Variants in CYTIP observed in about 807,000 individuals in gnomAD.
The protein encoded by CYTIP is cytohesin 1 interacting protein, also known as cytohesin-interacting protein.
Under a neutral mutation model 43.8 loss-of-function variants are expected in CYTIP, and 26 were observed. That is an observed-to-expected ratio of 0.59 (90% CI 0.44 to 0.82). CYTIP has a LOEUF of 0.82. Among genes scored for constraint, CYTIP ranks in the 40% least tolerant of loss-of-function variants. The pLI is 0.00. For missense variants in CYTIP, 426 were observed against 443.1 expected (o/e 0.96, Z 0.35); for synonymous variants, 162 against 162.9 (o/e 0.99, Z 0.04).
intron 1 of CYTIP, among the ~76,000 whole-genome samples, chr2:157,437,954 G>T (rs1685839648): frequency 6.6e-6 from 1 of 152,078 alleles, no homozygotes; most frequent in South Asian, 2.1e-4. Context: ...CCACTATGGA[G>T]AACAGTATGG....
chr2:157,420,700 C>T (rs937948656), intron 6 of CYTIP, among the ~76,000 whole-genome samples: 1 of 148,256 alleles, frequency 6.7e-6, no homozygotes, highest in African/African-American at 2.5e-5. Context: ...TGCCTTATTC[C>T]CAGCTTTTAA....
At chr2:157,439,593 CA>C (rs1375953833) in intron 1 of CYTIP, among the ~76,000 whole-genome samples, 1 of 152,120 alleles carries the variant, frequency 6.6e-6, no homozygotes, top group African/African-American at 2.4e-5. Flanking sequence ...GTGATGGCGC[CA>C]AAAATCATGA....
rs1685899343 is a variant in CYTIP at position 157,441,038 on chromosome 2, G to GA, written c.174+2808dup. ...GGTAGTGAGATAATATGCACACAGA[G>GA]AAATCTATCTTTAAATAATTCTGAA... On this transcript the variant is annotated intron_variant, in intron 1 of 7. Coordinates refer to ENST00000264192, the MANE Select transcript of CYTIP (RefSeq NM_004288.5). Among the ~76,000 whole-genome samples, 8 of 152,110 alleles carry GA rather than the reference G, an allele frequency of 5.3e-5. No homozygotes were observed. The South Asian group carries it at 1.7e-3, about 32-fold the overall frequency.
At chr2:157,425,765 A>T (rs1181477344) in intron 6 of CYTIP, among the ~76,000 whole-genome samples, 3 of 152,178 alleles carry the variant, frequency 2.0e-5, no homozygotes, top group Non-Finnish European at 4.4e-5. Context: ...CACTAAGATT[A>T]TCTTTCTTTT....
At chr2:157,422,904 G>A (rs1685544934) in intron 6 of CYTIP, among the ~76,000 whole-genome samples, 1 of 151,960 alleles carries the variant, frequency 6.6e-6, no homozygotes, top group African/African-American at 2.4e-5. Context: ...GAACATTTCT[G>A]GAGATGTTAC....
intron 6 of CYTIP, among the ~76,000 whole-genome samples, chr2:157,423,022 A>G (rs1355010203): frequency 1.3e-5 from 2 of 152,146 alleles, no homozygotes; most frequent in East Asian, 3.8e-4. Flanking sequence ...CATGAATTCC[A>G]GAAGATAATA....
intron 7 of CYTIP, among the ~76,000 whole-genome samples, chr2:157,417,426 A>T (rs990150821): frequency 7.9e-5 from 12 of 152,206 alleles, no homozygotes; most frequent in African/African-American, 2.9e-4. Context: ...TTGTCTATAC[A>T]AGGCTGTTTC....
intron 6 of CYTIP, among the ~76,000 whole-genome samples, chr2:157,425,365 A>AGC (rs1428287349): frequency 3.9e-5 from 6 of 152,198 alleles, no homozygotes. Flanking sequence ...AACAGCAAAC[A>AGC]TATCAAAACG....
At chr2:157,430,017 C>T (rs557604486) in intron 5 of CYTIP, among the ~76,000 whole-genome samples, 100 of 137,574 alleles carry the variant, frequency 7.3e-4, no homozygotes, top group South Asian at 1.2e-3. Context: ...AGCGAGACTC[C>T]GTCTCAAAAA....
intron 5 of CYTIP, among the ~76,000 whole-genome samples, chr2:157,427,940 C>A (rs139875275): frequency 4.6e-5 from 7 of 152,252 alleles, no homozygotes; most frequent in African/African-American, 1.7e-4. Flanking sequence ...ATTCTAGGAG[C>A]CTTTACCTCT....
intron 6 of CYTIP, among the ~76,000 whole-genome samples, chr2:157,425,966 T>C (rs1685599312): frequency 6.6e-6 from 1 of 151,912 alleles, no homozygotes; most frequent in Admixed American, 6.6e-5. Context: ...ATAATTGAGC[T>C]AAAGGGGCAA....
intron 6 of CYTIP, among the ~76,000 whole-genome samples, chr2:157,426,918 C>T (rs16841731): frequency 0.081 from 12,348 of 152,120 alleles, 662 homozygotes; most frequent in African/African-American, 0.13. Flanking sequence ...CAGGATTAGA[C>T]GGATAAGGTT....
intron 3 of CYTIP, chr2:157,434,076 C>A: frequency 2.2e-6 from 1 of 447,964 alleles, no homozygotes; most frequent in Admixed American, 4.1e-5. Flanking sequence ...ACTCTCTTAT[C>A]TAAGACCTAG....
Position 157,415,603 on chromosome 2 carries a change from CCCA to C in CYTIP, c.*71_*73del. 1 of 1,036,056 alleles carries C rather than the reference CCCA, an allele frequency of 9.7e-7. No homozygotes were observed. The highest frequency in any genetic ancestry group is 1.4e-6 in the Non-Finnish European group (1 of 695,978). 64.2% of individuals were successfully genotyped at this position (1,036,056 alleles called of 1,614,324 possible). A position where few individuals can be genotyped will look rare whatever the true frequency, so the allele number is the denominator to read the frequency against. The stretch of plus-strand genomic sequence containing the variant: ...CAGTTTTGCAATTCTTCTGCACTTT[CCCA>C]CCAAGCTGGGATCTGGGTGAGTCTA... On this transcript the variant is annotated 3_prime_UTR_variant, in exon 8 of 8. Transcript: ENST00000264192.
rs116746401 is a variant in CYTIP at position 157,428,019 on chromosome 2, T to C, written c.477-599A>G. On this transcript the variant is annotated intron_variant, in intron 5 of 7. Transcript: ENST00000264192. The stretch of plus-strand genomic sequence containing the variant: ...AACTACTATGACATAATAACCTTCA[T>C]ATGATTCTTTATCTCAAAACATTCA... Among the ~76,000 whole-genome samples the C allele has an allele frequency of 8.1e-3, 1,232 of 152,340 alleles. 4 individuals are homozygous for C. The highest frequency in any genetic ancestry group is 0.013 in the Non-Finnish European group (860 of 68,038).
rs189260737 is a variant in CYTIP at position 157,442,157 on chromosome 2, C to G, written c.174+1690G>C. Among the ~76,000 whole-genome samples, 5 of 152,298 alleles carry G rather than the reference C, an allele frequency of 3.3e-5. No homozygotes were observed. The East Asian group carries it at 5.8e-4, about 18-fold the overall frequency. The stretch of plus-strand genomic sequence containing the variant: ...ATATCTGGAATACCCTTCAATATCT[C>G]GAATATCTATTTCCAAGGCTATATT... On this transcript the variant is annotated intron_variant, in intron 1 of 7. Coordinates refer to ENST00000264192, the MANE Select transcript of CYTIP (RefSeq NM_004288.5).
chr2:157,435,761 A>G (rs188515715), intron 1 of CYTIP, among the ~76,000 whole-genome samples: 1 of 152,328 alleles, frequency 6.6e-6, no homozygotes, highest in East Asian at 1.9e-4. Flanking sequence ...ATATAAATGA[A>G]CACATAAAAT....
Position 157,415,632 on chromosome 2 carries a change from G to A in CYTIP, c.*45C>T. The A allele has an allele frequency of 1.5e-6, 2 of 1,370,434 alleles. No individual in the cohort carries two copies. Among genetic ancestry groups the A allele is most frequent in the Non-Finnish European group, 2.0e-6 (2 of 981,906 alleles). 84.9% of individuals were successfully genotyped at this position (1,370,434 alleles called of 1,614,324 possible). ...CCAAGCTGGGATCTGGGTGAGTCTAGAGATATTTGTGAAATAAGCTAATTT... is the reference window on the plus strand; with the variant it reads ...CCAAGCTGGGATCTGGGTGAGTCTAAAGATATTTGTGAAATAAGCTAATTT... On this transcript the variant is annotated 3_prime_UTR_variant, in exon 8 of 8. Transcript: ENST00000264192.
intron 6 of CYTIP, 143 bp downstream of exon 6, chr2:157,427,208 T>C: frequency 1.5e-6 from 1 of 650,290 alleles, no homozygotes; most frequent in South Asian, 2.0e-5. Context: ...AAGGTAATTG[T>C]GCGGCTCTTG....
Sources: gnomAD v4.1 joint callset for allele counts (sites outside exome capture counted in the v4.1 genomes callset) on GRCh38, gnomAD v4.1.1 for gene constraint, MANE v1.5 for transcripts, NCBI Gene and HGNC (gene_info 2026-07-23, HGNC 2026-07-21) for gene names.